VPS13D: variants seen among roughly 807,000 people sequenced by gnomAD.
VPS13D encodes the protein intermembrane lipid transfer protein VPS13D.
A neutral mutation model predicts 461.9 loss-of-function variants in VPS13D; 187 were observed. The ratio of observed to expected loss-of-function variants is 0.40; its 90% CI spans 0.36 to 0.46. The LOEUF (loss-of-function observed/expected upper bound fraction) is 0.46, where lower values mean the gene tolerates loss of function less well. VPS13D is among the 20% of genes least tolerant of loss of function. The pLI, the probability that VPS13D is intolerant of heterozygous loss-of-function variation, is 0.60. For missense variants in VPS13D, 4,711 were observed against 5,364.9 expected (o/e 0.88, Z 3.81); for synonymous variants, 1,951 against 1,986.3 (o/e 0.98, Z 0.47).
At chr1:12,358,213 C>T (rs1643903899) in intron 49 of VPS13D, among the ~76,000 whole-genome samples, 1 of 152,134 alleles carries the variant, frequency 6.6e-6, no homozygotes, top group South Asian at 2.1e-4. Flanking sequence ...AATGTTTTCT[C>T]CTAAAGCATT....
chr1:12,392,654 A>G (rs1354050721), intron 60 of VPS13D, among the ~76,000 whole-genome samples: 1 of 152,126 alleles, frequency 6.6e-6, no homozygotes, highest in East Asian at 1.9e-4. Flanking sequence ...AAGCCCAGTA[A>G]CAGGCCAAGA....
chr1:12,388,053 C>G (rs1644371680), intron 60 of VPS13D, among the ~76,000 whole-genome samples: 1 of 152,090 alleles, frequency 6.6e-6, no homozygotes, highest in Non-Finnish European at 1.5e-5. Context: ...TGATAACTAC[C>G]TGGGTAAATA....
intron 35 of VPS13D, among the ~76,000 whole-genome samples, chr1:12,326,611 A>G (rs573273588): frequency 6.6e-6 from 1 of 151,476 alleles, no homozygotes; most frequent in East Asian, 1.9e-4. Flanking sequence ...TTGGGCTTAT[A>G]AGCATTAGCC....
In VPS13D at chr1:12,267,917, C is replaced by T. The variant is rs775519636; in HGVS notation, c.1798C>T (p.Pro600Ser). 4.3e-6 allele frequency: 7 copies of T among 1,612,750 alleles called. No homozygotes were observed. In the East Asian group the frequency reaches 1.6e-4, roughly 36 times the overall value. The stretch of plus-strand genomic sequence containing the variant: ...ATCTGCAGACAGAAGTGATCATTAC[C>T]CAGGTAATTTGTCCTATGTTGTTTT... ...TTSADRSDHY[P>S]AADPDGPVFE... is the part of the protein sequence containing the mutation. The change falls in exon 15 of 70, where the codon CCA (proline) becomes TCA (serine). Residue 600 changes from proline to serine, a missense_variant. Pro to Ser is a moderately conservative substitution (Grantham distance 74). Coordinates refer to ENST00000620676, the MANE Select transcript of VPS13D (RefSeq NM_015378.4).
At chr1:12,361,424 C>G (rs1643947592) in intron 50 of VPS13D, among the ~76,000 whole-genome samples, 2 of 141,806 alleles carry the variant, frequency 1.4e-5, no homozygotes, top group African/African-American at 5.4e-5. Flanking sequence ...GAGACGGAGT[C>G]TCGCTCTGTC....
At chr1:12,448,129 A>C (rs1240015110) in intron 65 of VPS13D, among the ~76,000 whole-genome samples, 1 of 152,136 alleles carries the variant, frequency 6.6e-6, no homozygotes, top group Non-Finnish European at 1.5e-5. Context: ...AGATGAAGAC[A>C]CTGATTCTAA....
chr1:12,433,212 G>C (rs1406485445), intron 65 of VPS13D, among the ~76,000 whole-genome samples: 2 of 151,696 alleles, frequency 1.3e-5, no homozygotes, highest in East Asian at 3.9e-4. Flanking sequence ...GTAGGTGCTC[G>C]AAACCTTTGC....
In VPS13D at chr1:12,267,094, TC is replaced by T. The variant is rs112887836; in HGVS notation, c.1725+84del. ...TTTAGGCAAATGATAACTGATTCAT[TC>T]TGACATTTGATCATCTTGAGACTGA... On this transcript the variant is annotated intron_variant, in intron 14 of 69. Transcript: ENST00000620676. The T allele has an allele frequency of 2.5e-5, 34 of 1,368,002 alleles. No individual in the cohort carries two copies. In the African/African-American group the frequency reaches 3.4e-4, roughly 14 times the overall value. 84.7% of individuals were successfully genotyped at this position (1,368,002 alleles called of 1,614,324 possible).
rs780305969 is a variant in VPS13D, at chr1:12,319,560, G to T, written c.7478G>T (p.Gly2493Val). 6.8e-6 allele frequency: 11 copies of T among 1,614,008 alleles called. No individual in the cohort carries two copies. In the African/African-American group the frequency reaches 1.2e-4, roughly 18 times the overall value. Reference sequence around the variant, plus strand: ...GACACCAATGCCATTATTCTGAAAGGCACCACAGTGCTCACCTATAAGCCC... The same window carrying T: ...GACACCAATGCCATTATTCTGAAAGTCACCACAGTGCTCACCTATAAGCCC... ...CFDTNAIILK[G>V]TTVLTYKPRF... Residue 2493 changes from glycine to valine, a missense_variant, in exon 32 of 70, where the codon GGC becomes GTC. Physicochemically the swap from Gly to Val is moderately radical, Grantham distance 109 (BLOSUM62 -3). This residue lies in a region of VPS13D where 4,411 missense variants were observed against 4,937.8 expected (regional missense o/e 0.89). Transcript: ENST00000620676.
intron 41 of VPS13D, 140 bp from the exon 42 acceptor site, chr1:12,342,759 C>T: frequency 2.1e-6 from 2 of 952,534 alleles, no homozygotes; most frequent in Non-Finnish European, 2.9e-6. Flanking sequence ...CCCTCAAGGT[C>T]ATTCTTTGTA....
chr1:12,242,802 C>T (rs145674207), intron 3 of VPS13D, among the ~76,000 whole-genome samples: 113 of 152,166 alleles, frequency 7.4e-4, no homozygotes, highest in African/African-American at 2.4e-3. Flanking sequence ...ATACCCGGAC[C>T]GACTGAATCA....
chr1:12,369,114 T>G (rs1644080046), intron 53 of VPS13D, among the ~76,000 whole-genome samples: 1 of 152,222 alleles, frequency 6.6e-6, no homozygotes, highest in Admixed American at 6.5e-5. Context: ...CATAGGGGGT[T>G]TGGGCTAGAA....
chr1:12,258,475 C>T (rs766465271), intron 10 of VPS13D, among the ~76,000 whole-genome samples: 37 of 152,256 alleles, frequency 2.4e-4, no homozygotes, highest in Non-Finnish European at 4.4e-4. Context: ...CTTTGGCCTA[C>T]GTTTTCTATA....
chr1:12,247,251 TA>T (rs1274287094), intron 5 of VPS13D, among the ~76,000 whole-genome samples: 2 of 151,922 alleles, frequency 1.3e-5, no homozygotes, highest in African/African-American at 4.8e-5. Flanking sequence ...CCGTCTCTGC[TA>T]AAAATACAAA....
Position 12,455,993 on chromosome 1 carries a change from T to C in VPS13D, c.12334-5T>C. ...AACTCTTCTCCTGCTTTTAACTCCTTCTAGTTTGCTGGAACATTATCAGAT... is the reference window on the plus strand; with the variant it reads ...AACTCTTCTCCTGCTTTTAACTCCTCCTAGTTTGCTGGAACATTATCAGAT... On this transcript the variant is annotated splice_region_variant and splice_polypyrimidine_tract_variant and intron_variant, in intron 65 of 69. Coordinates refer to ENST00000620676, the MANE Select transcript of VPS13D (RefSeq NM_015378.4). 1 of 1,602,034 alleles carries C rather than the reference T, an allele frequency of 6.2e-7. No homozygotes were observed. The highest frequency in any genetic ancestry group is 8.5e-7 in the Non-Finnish European group (1 of 1,175,998).
chr1:12,327,326 C>T (rs1004406307), intron 35 of VPS13D, among the ~76,000 whole-genome samples: 19 of 152,206 alleles, frequency 1.2e-4, no homozygotes, highest in Non-Finnish European at 2.4e-4. Flanking sequence ...TCCTCTCCTT[C>T]AACAGATGGC....
intron 18 of VPS13D, 140 bp from the exon 19 acceptor site, chr1:12,275,685 A>T (rs1641588838): frequency 6.4e-6 from 5 of 777,938 alleles, no homozygotes; most frequent in Non-Finnish European, 9.5e-6. Context: ...GTAAACAAAG[A>T]TATTATGCTT....
At chr1:12,271,693 C>T (rs1218274253) in intron 17 of VPS13D, among the ~76,000 whole-genome samples, 3 of 151,492 alleles carry the variant, frequency 2.0e-5, no homozygotes, top group African/African-American at 4.9e-5. Context: ...AAAAAAGACT[C>T]GTGTTTGTTC....
intron 65 of VPS13D, among the ~76,000 whole-genome samples, chr1:12,454,228 G>A (rs1397625927): frequency 6.6e-6 from 1 of 152,150 alleles, no homozygotes; most frequent in African/African-American, 2.4e-5. Flanking sequence ...CAGAATGGTC[G>A]AGGGAGGACT....
Sources: allele counts gnomAD v4.1 joint callset (sites outside exome capture counted in the v4.1 genomes callset), GRCh38; gene constraint gnomAD v4.1.1; regional missense constraint gnomAD v4.1.1; transcripts MANE v1.5; gene names NCBI Gene and HGNC (gene_info 2026-07-23, HGNC 2026-07-21).